Variants in STAB1 observed in about 807,000 individuals in gnomAD.
STAB1 encodes the protein stabilin 1, also known as stabilin-1.
Under a neutral mutation model 332.4 loss-of-function variants are expected in STAB1, and 250 were observed. The observed-to-expected ratio is 0.75, with a 90% confidence interval of 0.68 to 0.84. The LOEUF (loss-of-function observed/expected upper bound fraction) is 0.84, where lower values mean the gene tolerates loss of function less well. Ranked by LOEUF, STAB1 falls within the 40% of genes least tolerant of loss-of-function variation. STAB1 has a pLI of 0.00. For missense variants in STAB1, 3,249 were observed against 3,489.7 expected, an observed-to-expected ratio of 0.93 and a Z score of 1.74; for synonymous variants, 1,475 against 1,390.4, an observed-to-expected ratio of 1.06 and a Z score of -1.35.
In STAB1 at chr3:52,506,820, C is replaced by T. The variant is rs200941666; in HGVS notation, c.1959C>T (p.His653=). The part of the protein sequence containing the change: ...PPTILPILPK[H]CSEEQHKIVA... ...CCATCCTGCCCATCCTGCCCAAGCA[C>T]TGCAGCGAGGAGCAGCACAAGATTG... Residue 653 remains histidine, a synonymous_variant, in exon 18 of 69, where the codon CAC becomes CAT. Transcript: ENST00000321725. 2 of 1,613,166 alleles carry T rather than the reference C, an allele frequency of 1.2e-6. No homozygotes were observed. The highest frequency in any genetic ancestry group is 1.7e-5 in the Admixed American group (1 of 60,026).
intron 1 of STAB1, among the ~76,000 whole-genome samples, chr3:52,495,827 G>A (rs935675945): frequency 4.1e-4 from 63 of 152,316 alleles, no homozygotes; most frequent in African/African-American, 1.4e-3. Context: ...CCCTCACCTG[G>A]GGGTTGAAGA....
At chr3:52,502,500 A>AT in intron 5 of STAB1, 132 bp from the exon 6 acceptor site, 1 of 875,186 alleles carries the variant, frequency 1.1e-6, no homozygotes, top group Non-Finnish European at 1.8e-6. Flanking sequence ...GTGGTCCCGC[A>AT]TCACAGCTCT....
In STAB1 at chr3:52,514,772, G is replaced by A. The variant is rs371581180; in HGVS notation, c.3750G>A (p.Ser1250=). Residue 1250 remains serine (S), a synonymous_variant, in exon 35 of 69, where the codon TCG becomes TCA. Coordinates refer to ENST00000321725, the MANE Select transcript of STAB1 (RefSeq NM_015136.3). ...CTGGCCGCTCGCTGATTGGTCTGTC[G>A]GGGGTCCTGACGGTGGGCTCAAGTC... ...EAPGRSLIGL[S]GVLTVGSSRC... 7.1e-5 allele frequency: 115 copies of A among 1,612,830 alleles called. 1 individual carries two copies. In the Middle Eastern group the frequency reaches 1.6e-3, roughly 23 times the overall value.
At chr3:52,515,115 C>T in intron 36 of STAB1, 70 bp downstream of exon 36, 1 of 1,564,074 alleles carries the variant, frequency 6.4e-7, no homozygotes, top group South Asian at 1.2e-5. Flanking sequence ...TGCCCAATCC[C>T]CTCACCCTCC....
At chr3:52,498,628 G>C (rs1708216741) in intron 1 of STAB1, among the ~76,000 whole-genome samples, 1 of 152,228 alleles carries the variant, frequency 6.6e-6, no homozygotes, top group Non-Finnish European at 1.5e-5. Flanking sequence ...GTCTCAGAGT[G>C]CGACCAGCAC....
rs373697340 is a variant in STAB1, at chr3:52,508,033, G to A, written c.2148+7G>A. 1.9e-5 allele frequency: 30 copies of A among 1,611,702 alleles called. No homozygotes were observed. In the African/African-American group the frequency reaches 1.9e-4, roughly 10 times the overall value. ...CTGCAACCAAACCATCATGGTAAGC[G>A]TGGGCATGGGTGCCCACTCCCAGGT... On this transcript the variant is annotated splice_region_variant and intron_variant, in intron 20 of 68. Coordinates refer to ENST00000321725, the MANE Select transcript of STAB1 (RefSeq NM_015136.3).
chr3:52,515,650 T>C lies in STAB1; in HGVS notation c.3948+144T>C, dbSNP rs2078838366. On this transcript the variant is annotated intron_variant, in intron 37 of 68. Coordinates refer to ENST00000321725, the MANE Select transcript of STAB1 (RefSeq NM_015136.3). Reference sequence around the variant, plus strand: ...GAGGCCAGAACCCAGAGGAAGGAGATGGGAGAGAGGTCTGAAGTCAGAGGG... The same window carrying C: ...GAGGCCAGAACCCAGAGGAAGGAGACGGGAGAGAGGTCTGAAGTCAGAGGG... 5.9e-6 allele frequency: 5 copies of C among 840,422 alleles called. No individual in the cohort carries two copies. The East Asian group carries it at 1.3e-4, about 22-fold the overall frequency. 52.1% of individuals were successfully genotyped at this position (840,422 alleles called of 1,614,324 possible).
intron 25 of STAB1, 97 bp from the exon 26 acceptor site, chr3:52,511,553 C>T (rs1487850015): frequency 8.5e-7 from 1 of 1,174,208 alleles, no homozygotes; most frequent in Non-Finnish European, 1.2e-6. Context: ...CTGGGCAGAC[C>T]TCCCTGGGGG....
In STAB1 at chr3:52,522,580, C is replaced by T. The variant is rs930489075; in HGVS notation, c.6636C>T (p.Leu2212=). ...AGAAACGGGCTGGCGTTTTCCACCT[C>T]CAGGCCACCAGCGGCCCTTATGGTC... ...FQEKRAGVFH[L]QATSGPYGLN... is the part of the protein sequence containing the mutation. Residue 2212 remains leucine (L), a synonymous_variant, in exon 61 of 69, where the codon CTC becomes CTT. Coordinates refer to ENST00000321725, the MANE Select transcript of STAB1 (RefSeq NM_015136.3). 6.2e-7 allele frequency: 1 copy of T among 1,613,066 alleles called. No individual in the cohort carries two copies. The highest frequency in any genetic ancestry group is 2.2e-5 in the East Asian group (1 of 44,886).
At chr3:52,511,935 G>C (rs1709330139) in intron 26 of STAB1, among the ~76,000 whole-genome samples, 190 bp downstream of exon 26, 1 of 152,084 alleles carries the variant, frequency 6.6e-6, no homozygotes, top group Non-Finnish European at 1.5e-5. Flanking sequence ...TCGTCTCTCT[G>C]TTCCACTCCT....
intron 1 of STAB1, among the ~76,000 whole-genome samples, chr3:52,500,797 C>A (rs983025901): frequency 3.3e-5 from 5 of 152,234 alleles, no homozygotes; most frequent in African/African-American, 1.2e-4. Flanking sequence ...CGGCCATGTC[C>A]TGGGCTTCAG....
intron 1 of STAB1, among the ~76,000 whole-genome samples, chr3:52,500,937 G>A (rs540510848): frequency 4.6e-5 from 7 of 152,354 alleles, no homozygotes; most frequent in Non-Finnish European, 7.3e-5. Context: ...GTAACAGACA[G>A]GTTTCACAGG....
chr3:52,497,335 G>A lies in STAB1; in HGVS notation c.78+1844G>A, dbSNP rs541279725. 1.1e-4 allele frequency among the ~76,000 whole-genome samples: 16 copies of A among 151,014 alleles called. No homozygotes were observed. In the South Asian group the frequency reaches 3.1e-3, roughly 30 times the overall value. On this transcript the variant is annotated intron_variant, in intron 1 of 68. Transcript: ENST00000321725. The stretch of plus-strand genomic sequence containing the variant: ...GTACATAGCATTTACATTGTATTCG[G>A]TATTATAAGTCGTCTAAGGATGACT...
chr3:52,521,755 T>C, intron 57 of STAB1, 55 bp downstream of exon 57: 1 of 1,607,282 alleles, frequency 6.2e-7, no homozygotes, highest in Non-Finnish European at 8.5e-7. Flanking sequence ...TGTGCACACA[T>C]CAGTAAAGGC....
At position 52,514,398 on chromosome 3, in the gene STAB1, G is replaced by T; in HGVS notation, c.3580G>T (p.Gly1194Trp). ...CACAGTGCGGCACCATGTGGTCCTG[G>T]GGGAGGCCCTCTCCATGGAAACCCT... The part of the protein sequence containing the change: ...ADTVRHHVVL[G>W]EALSMETLRK... Residue 1194 changes from glycine (G) to tryptophan (W), a missense_variant, in exon 34 of 69, where the codon GGG becomes TGG. By Grantham distance (184) the Gly-to-Trp change is radical. Transcript: ENST00000321725. 1 of 1,552,108 alleles carries T rather than the reference G, an allele frequency of 6.4e-7. No homozygotes were observed. The highest frequency in any genetic ancestry group is 8.7e-7 in the Non-Finnish European group (1 of 1,148,706).
intron 29 of STAB1, 62 bp downstream of exon 29, chr3:52,513,020 C>A (rs562222160): frequency 5.7e-6 from 9 of 1,576,872 alleles, no homozygotes; most frequent in Admixed American, 5.6e-5. Context: ...CCCTCCCCAG[C>A]GAGTCCTCAG....
Position 52,517,093 on chromosome 3 carries a change from CG to C in STAB1, c.4477del (p.Glu1493SerfsTer98). ...CCTGCCAGGATGGCTACATGGGCGA[CG>C]GGGAGCTGTGCCAGGGTGAGACTAG... ...CTCQDGYMGD[G>X]ELCQEINSCL... On this transcript the variant is annotated frameshift_variant, in exon 42 of 69. Transcript: ENST00000321725. LOFTEE classifies it high-confidence loss of function. The C allele has an allele frequency of 6.4e-7, 1 of 1,565,664 alleles. No homozygotes were observed. The highest frequency in any genetic ancestry group is 1.9e-5 in the Admixed American group (1 of 54,020).
chr3:52,505,974 C>T, intron 16 of STAB1, 38 bp downstream of exon 16: 4 of 1,612,018 alleles, frequency 2.5e-6, no homozygotes, highest in Non-Finnish European at 3.4e-6. Flanking sequence ...CAGCTTGTAC[C>T]CGGTGGGCCT....
chr3:52,518,366 G>T lies in STAB1; in HGVS notation c.4809+7G>T, dbSNP rs1454227413. 1.4e-5 allele frequency: 22 copies of T among 1,611,532 alleles called. No individual in the cohort carries two copies. Among genetic ancestry groups the T allele is most frequent in the Non-Finnish European group, 1.9e-5 (22 of 1,179,476 alleles). On this transcript the variant is annotated splice_region_variant and intron_variant, in intron 46 of 68. Transcript: ENST00000321725. ...CTTCAGCCTCCGCCTCCTGGTGAGT[G>T]GCCAGCTTGGGCCTCTGTGACCTGC...
Sources: gnomAD v4.1 joint callset for allele counts (sites outside exome capture counted in the v4.1 genomes callset) on GRCh38, gnomAD v4.1.1 for gene constraint, MANE v1.5 for transcripts, NCBI Gene and HGNC (gene_info 2026-07-23, HGNC 2026-07-21) for gene names.